SEPHS1: variants seen among roughly 807,000 people sequenced by gnomAD.
SEPHS1 encodes the protein zincore component SEPHS1.
SEPHS1 carries 7 observed loss-of-function variants against 39.2 expected under a neutral mutation model. The ratio of observed to expected loss-of-function variants is 0.18; its 90% CI spans 0.10 to 0.34. The LOEUF (loss-of-function observed/expected upper bound fraction) is 0.34. SEPHS1 is among the 10% of genes least tolerant of loss of function. The probability of loss-of-function intolerance (pLI) is 1.00; values close to 1 mark genes in which losing one functional copy is unlikely to be tolerated. For missense variants in SEPHS1, 253 were observed against 514.5 expected, an observed-to-expected ratio of 0.49 and a Z score of 4.92; for synonymous variants, 190 against 195.5, an observed-to-expected ratio of 0.97 and a Z score of 0.23.
chr10:13,326,235 G>C (rs1349695909), intron 7 of SEPHS1, among the ~76,000 whole-genome samples: 1 of 152,018 alleles, frequency 6.6e-6, no homozygotes, highest in Non-Finnish European at 1.5e-5. Context: ...CAGTACTTTG[G>C]GAGGCCGAGA....
chr10:13,333,167 CTT>C (rs1046770905), intron 5 of SEPHS1, among the ~76,000 whole-genome samples: 2 of 149,030 alleles, frequency 1.3e-5, no homozygotes, highest in African/African-American at 4.9e-5. Flanking sequence ...GAGTTTCGCT[CTT>C]GTTGCCCAGG....
At chr10:13,335,836 C>T (rs1393741313) in intron 4 of SEPHS1, among the ~76,000 whole-genome samples, 1 of 145,324 alleles carries the variant, frequency 6.9e-6, no homozygotes, top group African/African-American at 2.6e-5. Flanking sequence ...ACAAAATAGC[C>T]AGGTGTGGTG....
At chr10:13,328,305 C>T in intron 7 of SEPHS1, 46 bp downstream of exon 7, 1 of 1,300,762 alleles carries the variant, frequency 7.7e-7, no homozygotes, top group Non-Finnish European at 1.1e-6. Flanking sequence ...AAGACATTTA[C>T]TGTCTTGGAC....
Position 13,323,067 on chromosome 10 carries a change from G to A in SEPHS1, c.752-20C>T, listed in dbSNP as rs370479028. On this transcript the variant is annotated intron_variant, in intron 7 of 8. Transcript: ENST00000327347. ...CTGCAGCTGGGAGAGAGAGGGGGCG[G>A]CTCTGAGAAAAAACACCTTTCCTCA... is the stretch of plus-strand genomic sequence containing the variant. 6.2e-7 allele frequency: 1 copy of A among 1,608,416 alleles called. No individual in the cohort carries two copies. The highest frequency in any genetic ancestry group is 8.5e-7 in the Non-Finnish European group (1 of 1,175,648).
intron 7 of SEPHS1, among the ~76,000 whole-genome samples, chr10:13,327,311 A>G (rs1833333054): frequency 6.6e-6 from 1 of 152,048 alleles, no homozygotes; most frequent in Admixed American, 6.6e-5. Context: ...TCATGTCAAA[A>G]CAACAAAAGC....
At chr10:13,328,228 A>G (rs1054803490) in intron 7 of SEPHS1, 123 bp downstream of exon 7, 10 of 642,404 alleles carry the variant, frequency 1.6e-5, no homozygotes, top group African/African-American at 1.3e-4. Flanking sequence ...CCAGGAGAAG[A>G]CGGTCTGTAG....
intron 7 of SEPHS1, 104 bp from the exon 8 acceptor site, chr10:13,323,151 C>T (rs920135654): frequency 6.8e-6 from 6 of 887,354 alleles, no homozygotes; most frequent in South Asian, 1.5e-5. Context: ...AGGGAGATGA[C>T]GTATCGGAAT....
chr10:13,347,327 G>A (rs1051447115), intron 1 of SEPHS1: 1 of 151,992 alleles, frequency 6.6e-6, no homozygotes, highest in African/African-American at 2.4e-5. Flanking sequence ...CGCCCGCGTC[G>A]GAGGCGGCCG....
intron 7 of SEPHS1, among the ~76,000 whole-genome samples, chr10:13,326,761 T>C (rs2131697446): frequency 6.6e-6 from 1 of 152,230 alleles, no homozygotes. Context: ...CTCCAACTGC[T>C]GGACTCAAGT....
intron 4 of SEPHS1, 38 bp downstream of exon 4, chr10:13,336,205 A>C (rs1833628258): frequency 6.9e-7 from 1 of 1,447,232 alleles, no homozygotes; most frequent in Non-Finnish European, 9.7e-7. Context: ...CCACCGGGAC[A>C]ACACGGACCA....
At chr10:13,347,945 A>C (rs1833983709) in intron 1 of SEPHS1, 55 bp downstream of exon 1, 1 of 144,656 alleles carries the variant, frequency 6.9e-6, no homozygotes, top group Admixed American at 6.8e-5. Context: ...GGGCCTGCGG[A>C]CCCAGATTCC....
At chr10:13,337,555 T>C (rs543248432) in intron 3 of SEPHS1, among the ~76,000 whole-genome samples, 1 of 152,350 alleles carries the variant, frequency 6.6e-6, no homozygotes, top group East Asian at 1.9e-4. Context: ...AGGTCAGCAA[T>C]GCAGCTCAAC....
chr10:13,335,916 G>C (rs185557929), intron 4 of SEPHS1, among the ~76,000 whole-genome samples: 37 of 148,396 alleles, frequency 2.5e-4, no homozygotes, highest in African/African-American at 9.1e-4. Flanking sequence ...GGAGGCGGAG[G>C]TTGCAGTGGA....
At position 13,328,309 on chromosome 10, in the gene SEPHS1, C is replaced by T. The variant is rs201758632; in HGVS notation, c.751+42G>A. 2.2e-6 allele frequency: 3 copies of T among 1,349,828 alleles called. No homozygotes were observed. The East Asian group carries it at 6.9e-5, about 31-fold the overall frequency. The allele number at this position is 1,349,828 out of a possible 1,614,324, so 83.6% of individuals were successfully genotyped here. A position where few individuals can be genotyped will look rare whatever the true frequency, so the allele number is the denominator to read the frequency against. ...CAGAAAAGCCTAAGACATTTACTGT[C>T]TTGGACCCCTGGGACCGAAGCGCCC... On this transcript the variant is annotated intron_variant, in intron 7 of 8. Transcript: ENST00000327347.
chr10:13,323,541 G>C (rs1833174671), intron 7 of SEPHS1, among the ~76,000 whole-genome samples: 1 of 151,914 alleles, frequency 6.6e-6, no homozygotes, highest in East Asian at 1.9e-4. Context: ...TTTTAGCAGA[G>C]ACAGGGTTTC....
Position 13,319,055 on chromosome 10 carries a change from G to C in SEPHS1, c.*87C>G. The stretch of plus-strand genomic sequence containing the variant: ...TCACCCCGATGTGTAGACACAATGA[G>C]ATTTTTGTTGTTTATAGTCTTTAAT... On this transcript the variant is annotated 3_prime_UTR_variant, in exon 9 of 9. Transcript: ENST00000327347. The C allele has an allele frequency of 6.0e-6, 8 of 1,339,918 alleles. No homozygotes were observed. Among genetic ancestry groups the C allele is most frequent in the Non-Finnish European group, 8.4e-6 (8 of 949,866 alleles). 83.0% of individuals were successfully genotyped at this position (1,339,918 alleles called of 1,614,324 possible).
At chr10:13,330,833 TTTTA>T (rs931898268) in intron 5 of SEPHS1, among the ~76,000 whole-genome samples, 12 of 137,424 alleles carry the variant, frequency 8.7e-5, no homozygotes, top group African/African-American at 3.0e-4. Flanking sequence ...TGTTCTTTTT[TTTTA>T]AATTTTTTAA....
chr10:13,338,988 T>C (rs745663673), intron 2 of SEPHS1, 180 bp from the exon 3 acceptor site: 18 of 604,306 alleles, frequency 3.0e-5, no homozygotes, highest in East Asian at 8.3e-5. Context: ...CATATCCAGC[T>C]TAGGATGGAA....
At chr10:13,345,124 G>T in intron 1 of SEPHS1, 96 bp from the exon 2 acceptor site, 1 of 493,940 alleles carries the variant, frequency 2.0e-6, no homozygotes, top group African/African-American at 2.0e-5. Context: ...AAGTCAATGT[G>T]ACAAGGGCTG....
Sources: allele counts gnomAD v4.1 joint callset (sites outside exome capture counted in the v4.1 genomes callset), GRCh38; gene constraint gnomAD v4.1.1; transcripts MANE v1.5; gene names NCBI Gene and HGNC (gene_info 2026-07-23, HGNC 2026-07-21).